The following XKRX variants were observed in gnomAD, a reference collection of about 807,000 sequenced individuals.
XKRX encodes XK related X-linked.
A neutral mutation model predicts 22.4 loss-of-function variants in XKRX; 11 were observed. That is an observed-to-expected ratio of 0.49 (90% CI 0.31 to 0.81). The LOEUF (loss-of-function observed/expected upper bound fraction) is 0.81. Ranked by LOEUF, XKRX falls within the 40% of genes least tolerant of loss-of-function variation. XKRX has a pLI of 0.05. For synonymous variants in XKRX, 114 were observed against 132.2 expected, an observed-to-expected ratio of 0.86 and a Z score of 0.94; for missense variants, 320 against 336.5, an observed-to-expected ratio of 0.95 and a Z score of 0.38.
At chrX:100,887,211 G>A in the XKRX span, among the ~76,000 whole-genome samples, 23 of 110,878 alleles carry the variant, frequency 2.1e-4, no homozygotes, top group Middle Eastern at 4.2e-3. Flanking sequence ...ATAGAACCTG[G>A]CATCACCCTG....
chrX:100,889,291 T>G, the XKRX span, among the ~76,000 whole-genome samples: 7 of 107,277 alleles, frequency 6.5e-5, no homozygotes, highest in East Asian at 8.8e-4. Flanking sequence ...AGGTACCTTA[T>G]AGATGTAATT....
downstream of XKRX, among the ~76,000 whole-genome samples, chrX:100,913,261 G>A (rs2085413652): frequency 9.1e-6 from 1 of 109,371 alleles, no homozygotes; most frequent in African/African-American, 3.3e-5. Context: ...ATGATTTAAT[G>A]TGATCTTGTT....
chrX:100,903,796 T>C, the XKRX span, among the ~76,000 whole-genome samples: 1 of 112,195 alleles, frequency 8.9e-6, no homozygotes, highest in African/African-American at 3.2e-5. Flanking sequence ...ACAAGTTCTA[T>C]ATAAAGAAAA....
chrX:100,911,301 G>A, downstream of XKRX: 1 of 1,044,730 alleles, frequency 9.6e-7, no homozygotes, highest in Non-Finnish European at 1.3e-6. Flanking sequence ...CCAATACTTG[G>A]TGTAAAGAAG....
the XKRX span, chrX:100,956,620 T>C: frequency 1.9e-6 from 1 of 525,490 alleles, no homozygotes; most frequent in East Asian, 3.5e-5. Context: ...TGAACTCTTT[T>C]TTAAGAAAGC....
At chrX:100,955,439 G>A in the XKRX span, among the ~76,000 whole-genome samples, 13 of 111,731 alleles carry the variant, frequency 1.2e-4, no homozygotes, top group Non-Finnish European at 1.7e-4. Flanking sequence ...TTGAGAGGCC[G>A]AGGCGGGTGG....
At chrX:100,957,259 T>G in the XKRX span, 1 of 984,996 alleles carries the variant, frequency 1.0e-6, no homozygotes. Flanking sequence ...AGATTTGACA[T>G]GGAAGTGAAA....
chrX:100,956,583 T>C, the XKRX span: 1 of 467,956 alleles, frequency 2.1e-6, no homozygotes, highest in Admixed American at 2.7e-5. Flanking sequence ...GATAGGAGGG[T>C]TAGACTGGAG....
At chrX:100,903,224 T>C in the XKRX span, among the ~76,000 whole-genome samples, 1 of 111,407 alleles carries the variant, frequency 9.0e-6, no homozygotes, top group Admixed American at 9.6e-5. Context: ...ATATTGGAAG[T>C]CCTAGATAAT....
At chrX:100,903,073 A>C in the XKRX span, among the ~76,000 whole-genome samples, 2 of 110,075 alleles carry the variant, frequency 1.8e-5, no homozygotes, top group Non-Finnish European at 3.8e-5. Context: ...AAAAAAAAAA[A>C]CAAAAAACCT....
At chrX:100,941,187 T>G in the XKRX span, among the ~76,000 whole-genome samples, 1 of 112,118 alleles carries the variant, frequency 8.9e-6, no homozygotes, top group African/African-American at 3.2e-5. Flanking sequence ...CAGCTAGAGC[T>G]GTCCATTAGG....
the XKRX span, chrX:100,887,538 T>C: frequency 2.1e-6 from 1 of 479,327 alleles, no homozygotes; most frequent in Non-Finnish European, 3.7e-6. Context: ...CTAGGCCCTG[T>C]CACCACTGTG....
intron 1 of XKRX, among the ~76,000 whole-genome samples, chrX:100,925,773 C>T (rs969752453): frequency 1.4e-4 from 16 of 111,937 alleles, no homozygotes; most frequent in Non-Finnish European, 3.0e-4. Context: ...GATTTAGAAC[C>T]GTAAAGGACC....
the XKRX span, among the ~76,000 whole-genome samples, chrX:100,950,613 C>G: frequency 8.9e-6 from 1 of 112,044 alleles, no homozygotes; most frequent in Middle Eastern, 4.6e-3. Context: ...GGAATCTTCA[C>G]CAAAACAGAT....
chrX:100,891,992 T>C, the XKRX span, among the ~76,000 whole-genome samples: 1 of 111,477 alleles, frequency 9.0e-6, no homozygotes, highest in African/African-American at 3.3e-5. Flanking sequence ...AGACAATAAA[T>C]TTTTGGATAT....
chrX:100,891,610 G>T, the XKRX span, among the ~76,000 whole-genome samples: 10 of 109,317 alleles, frequency 9.1e-5, no homozygotes, highest in South Asian at 3.9e-3. Flanking sequence ...TGATTTTGGG[G>T]GCCAGGCATG....
At chrX:100,910,833 A>G, downstream of XKRX, 1 of 786,050 alleles carries the variant, frequency 1.3e-6, no homozygotes, top group Non-Finnish European at 1.9e-6. Flanking sequence ...GGCAAAGAAA[A>G]TGATGGTCTG....
chrX:100,940,739 C>T, the XKRX span, among the ~76,000 whole-genome samples: 1 of 111,376 alleles, frequency 9.0e-6, no homozygotes, highest in East Asian at 2.8e-4. Context: ...AAGGTGGGGC[C>T]TGAGAATCTA....
the XKRX span, among the ~76,000 whole-genome samples, chrX:100,895,895 C>G: frequency 8.9e-6 from 1 of 112,059 alleles, no homozygotes; most frequent in Non-Finnish European, 1.9e-5. Flanking sequence ...TCCTCAGCCA[C>G]AGGCAGCCAG....
Sources: allele counts gnomAD v4.1 joint callset (sites outside exome capture counted in the v4.1 genomes callset), GRCh38; gene constraint gnomAD v4.1.1; transcripts MANE v1.5; gene names NCBI Gene and HGNC (gene_info 2026-07-23, HGNC 2026-07-21).